ACAN: variants seen among roughly 807,000 people sequenced by gnomAD.
ACAN encodes aggrecan, also known as aggrecan core protein.
In ACAN, 47 loss-of-function variants were observed where a neutral mutation model predicts 169.1. That is an observed-to-expected ratio of 0.28 (90% confidence interval 0.22 to 0.35). The LOEUF is 0.35. Among genes scored for constraint, ACAN ranks in the 10% least tolerant of loss-of-function variants. The pLI is 1.00. For missense variants in ACAN, 2,716 were observed against 2,759.9 expected (o/e 0.98, Z 0.36); for synonymous variants, 1,115 against 1,112.2 (o/e 1.00, Z -0.05).
rs1410745078 is a variant in ACAN, at chr15:88,838,997, G to C, written c.405G>C (p.Val135=). 11 of 1,611,202 alleles carry C rather than the reference G, an allele frequency of 6.8e-6. No individual in the cohort carries two copies. The highest frequency in any genetic ancestry group is 9.3e-6 in the Non-Finnish European group (11 of 1,179,872). The change falls in exon 3 of 19, where the codon GTG becomes GTC. Residue 135 remains valine, a synonymous_variant. Coordinates refer to ENST00000560601, the MANE Select transcript of ACAN (RefSeq NM_001369268.1). This position sits in a 1 kb window ranked among gnomAD's most constrained non-coding sequence, Gnocchi z 5.1. ...SNDSGVYRCE[V]MHGIEDSEAT... is the part of the protein sequence containing the mutation. The stretch of plus-strand genomic sequence containing the variant: ...ACTCTGGGGTCTACCGCTGCGAGGT[G>C]ATGCATGGCATCGAGGACAGCGAGG...
At chr15:88,822,555 C>T (rs1238009202) in intron 1 of ACAN, among the ~76,000 whole-genome samples, 1 of 151,916 alleles carries the variant, frequency 6.6e-6, no homozygotes, top group Non-Finnish European at 1.5e-5. Context: ...CAACCTCCGC[C>T]TCCCAGGTTC....
chr15:88,821,389 G>A (rs1331976332), intron 1 of ACAN, among the ~76,000 whole-genome samples: 1 of 152,184 alleles, frequency 6.6e-6, no homozygotes, highest in Non-Finnish European at 1.5e-5. Flanking sequence ...TGTTGTCCAG[G>A]CTGGTCTCAA....
chr15:88,811,945 TC>T (rs59543366), intron 1 of ACAN, among the ~76,000 whole-genome samples: 20,758 of 152,192 alleles, frequency 0.14, 1,564 homozygotes, highest in East Asian at 0.31. Flanking sequence ...GTTCTGAGAT[TC>T]CCACTTGTTT....
At position 88,873,712 on chromosome 15, in the gene ACAN, T is replaced by G; in HGVS notation, c.7448-130T>G. 2.1e-6 allele frequency: 2 copies of G among 956,768 alleles called. No individual in the cohort carries two copies. The highest frequency in any genetic ancestry group is 3.1e-6 in the Non-Finnish European group (2 of 650,052). 59.3% of individuals were successfully genotyped at this position (956,768 alleles called of 1,614,324 possible). ...CCAGCGGCTTCCAGATTCTTAGCGC[T>G]GCATGAAAACGTCCAGGGCTCACTG... On this transcript the variant is annotated intron_variant, in intron 17 of 18. Coordinates refer to ENST00000560601, the MANE Select transcript of ACAN (RefSeq NM_001369268.1). This position sits in a 1 kb window ranked among gnomAD's most constrained non-coding sequence, Gnocchi z 7.5.
In ACAN at chr15:88,857,625, G is replaced by T. The variant is rs865818299; in HGVS notation, c.5040G>T (p.Gly1680=). The T allele has an allele frequency of 3.1e-6, 5 of 1,614,040 alleles. No individual in the cohort carries two copies. The highest frequency in any genetic ancestry group is 4.2e-6 in the Non-Finnish European group (5 of 1,179,908). The change falls in exon 12 of 19, where the codon GGG becomes GGT. Residue 1680 remains glycine (G), a synonymous_variant. Transcript: ENST00000560601. ...VTASTASELE[G]RGTIGISGAG... ...CCTCCACTGCAAGTGAACTGGAAGGGAGGGGAACCATTGGCATCAGTGGTG... is the reference window on the plus strand; with the variant it reads ...CCTCCACTGCAAGTGAACTGGAAGGTAGGGGAACCATTGGCATCAGTGGTG...
rs767714238 is a variant in ACAN at position 88,840,078 on chromosome 15, C to A, written c.521C>A (p.Ala174Asp). 6.2e-7 allele frequency: 1 copy of A among 1,603,094 alleles called. No individual in the cohort carries two copies. Among genetic ancestry groups the A allele is most frequent in the Admixed American group, 1.7e-5 (1 of 58,756 alleles). The change falls in exon 4 of 19, where the codon GCC becomes GAC. Residue 174 changes from alanine to aspartate, a missense_variant. Ala to Asp is a moderately radical substitution (Grantham distance 126, BLOSUM62 -2). This residue lies in a region of ACAN where 1,283 missense variants were observed against 1,281.5 expected (regional missense o/e 1.00). Coordinates refer to ENST00000560601, the MANE Select transcript of ACAN (RefSeq NM_001369268.1). ...CTCGACTTTGACAGGGCGCAGCGGG[C>A]CTGCCTGCAGAACAGTGCCATCATT... The part of the protein sequence containing the change: ...YTLDFDRAQR[A>D]CLQNSAIIAT...
intron 2 of ACAN, among the ~76,000 whole-genome samples, chr15:88,837,806 T>A (rs1432200752): frequency 6.6e-6 from 1 of 151,786 alleles, no homozygotes; most frequent in African/African-American, 2.4e-5. Context: ...CCCACAAATA[T>A]CTGAAACATT....
rs1897195697 is a variant in ACAN, at chr15:88,861,604, G to C, written c.6946+1165G>C. 6.6e-6 allele frequency among the ~76,000 whole-genome samples: 1 copy of C among 152,110 alleles called. No homozygotes were observed. The highest frequency in any genetic ancestry group is 2.1e-4 in the South Asian group (1 of 4,824). On this transcript the variant is annotated intron_variant, in intron 13 of 18. Transcript: ENST00000560601. The surrounding 1 kb of genome is among the most constrained non-coding windows in gnomAD (Gnocchi z 6.3). ...TCACTCTTTCCCCAACGTGTGGGCT[G>C]CAAGGACAGAGAGGGTGGGCTATCC...
chr15:88,853,935 G>T (rs1896991240), intron 11 of ACAN, among the ~76,000 whole-genome samples: 1 of 150,328 alleles, frequency 6.7e-6, no homozygotes, highest in African/African-American at 2.5e-5. Flanking sequence ...AACTAAACCT[G>T]CTCAGTGGAC....
At chr15:88,815,274 G>A (rs1214372724) in intron 1 of ACAN, among the ~76,000 whole-genome samples, 1 of 152,012 alleles carries the variant, frequency 6.6e-6, no homozygotes, top group African/African-American at 2.4e-5. Flanking sequence ...AGTAGAAGGG[G>A]AAGACCAGGC....
At position 88,847,923 on chromosome 15, in the gene ACAN, G is replaced by A. The variant is rs774230576; in HGVS notation, c.1617G>A (p.Val539=). 2.5e-6 allele frequency: 4 copies of A among 1,613,658 alleles called. No individual in the cohort carries two copies. The highest frequency in any genetic ancestry group is 3.3e-5 in the Admixed American group (2 of 59,998). The change falls in exon 9 of 19, where the codon GTG becomes GTA. Residue 539 remains valine, a synonymous_variant. Transcript: ENST00000560601. ...LRDQTVRYPI[V]SPRTPCVGDK... is the part of the protein sequence containing the mutation. ...CTCTCCTTTGCAGATACCCCATTGT[G>A]AGCCCCCGGACCCCATGCGTGGGTG...
At chr15:88,829,315 A>G (rs992115164) in intron 1 of ACAN, among the ~76,000 whole-genome samples, 1 of 152,204 alleles carries the variant, frequency 6.6e-6, no homozygotes, top group Non-Finnish European at 1.5e-5. Flanking sequence ...AATTTACAGA[A>G]GGGAAAACTG....
In ACAN at chr15:88,874,474, C is replaced by A. The variant is rs1328562026; in HGVS notation, c.7700C>A (p.Ala2567Asp). The change falls in exon 19 of 19, where the codon GCC (alanine) becomes GAC (aspartate). Residue 2567 changes from alanine to aspartate, a missense_variant. Ala to Asp is a moderately radical substitution (Grantham distance 126). Coordinates refer to ENST00000560601, the MANE Select transcript of ACAN (RefSeq NM_001369268.1). The surrounding 1 kb of genome is among the most constrained non-coding windows in gnomAD (Gnocchi z 7.3). ...RHPRRSRPST[A>D]H ...CCTCGGAGGAGCCGCCCCAGCACAGCCCACTGAGAAGAGCTTCCAGGACGC... is the reference window on the plus strand; with the variant it reads ...CCTCGGAGGAGCCGCCCCAGCACAGACCACTGAGAAGAGCTTCCAGGACGC... 9 of 1,601,402 alleles carry A rather than the reference C, an allele frequency of 5.6e-6. No individual in the cohort carries two copies. Among genetic ancestry groups the A allele is most frequent in the Non-Finnish European group, 7.7e-6 (9 of 1,174,348 alleles).
In ACAN at chr15:88,872,638, A is replaced by G. The variant is rs1421585905; in HGVS notation, c.7303-243A>G. 2.0e-5 allele frequency among the ~76,000 whole-genome samples: 3 copies of G among 152,058 alleles called. No homozygotes were observed. The highest frequency in any genetic ancestry group is 2.9e-5 in the Non-Finnish European group (2 of 68,008). On this transcript the variant is annotated intron_variant, in intron 16 of 18. Coordinates refer to ENST00000560601, the MANE Select transcript of ACAN (RefSeq NM_001369268.1). This position sits in a 1 kb window ranked among gnomAD's most constrained non-coding sequence, Gnocchi z 5.4. ...GAGCCTGTGAGTCTTGGGGGTTCTG[A>G]GCTCCTGAGAAGGACCTGAGCCAAG...
chr15:88,818,901 A>G (rs558345098), intron 1 of ACAN, among the ~76,000 whole-genome samples: 1 of 152,342 alleles, frequency 6.6e-6, no homozygotes, highest in South Asian at 2.1e-4. Flanking sequence ...GAAGATTAAG[A>G]TGATAAATTT....
chr15:88,833,807 C>T (rs902488142), intron 1 of ACAN, among the ~76,000 whole-genome samples: 1 of 149,522 alleles, frequency 6.7e-6, no homozygotes, highest in South Asian at 2.2e-4. Flanking sequence ...GCCGTCCAAG[C>T]CCCACAGAGC....
At chr15:88,853,224 C>G (rs867882380) in intron 11 of ACAN, among the ~76,000 whole-genome samples, 1 of 152,172 alleles carries the variant, frequency 6.6e-6, no homozygotes, top group Non-Finnish European at 1.5e-5. Context: ...CCAGCAGCCC[C>G]GTAGAAATGT....
intron 13 of ACAN, among the ~76,000 whole-genome samples, chr15:88,863,252 T>C (rs1897232715): frequency 6.6e-6 from 1 of 152,182 alleles, no homozygotes; most frequent in Non-Finnish European, 1.5e-5. Flanking sequence ...GCAAGACTAT[T>C]CTATTCTGAC....
At chr15:88,859,844 T>C (rs1337968354) in intron 12 of ACAN, among the ~76,000 whole-genome samples, 1 of 152,172 alleles carries the variant, frequency 6.6e-6, no homozygotes, top group East Asian at 1.9e-4. Context: ...GAGTGTAAGA[T>C]GAGAGAGTAA....
Sources: allele counts gnomAD v4.1 joint callset (sites outside exome capture counted in the v4.1 genomes callset), GRCh38; gene constraint gnomAD v4.1.1; regional missense constraint gnomAD v4.1.1; non-coding constraint Gnocchi (gnomAD v3.1); transcripts MANE v1.5; gene names NCBI Gene and HGNC (gene_info 2026-07-23, HGNC 2026-07-21).